Variants in CCSER1 observed in about 807,000 individuals in gnomAD.
The protein encoded by CCSER1 is serine-rich coiled-coil domain-containing protein 1.
In CCSER1, 41 loss-of-function variants were observed where a neutral mutation model predicts 82.0. That is an observed-to-expected ratio of 0.50 (90% CI 0.39 to 0.65). The LOEUF (loss-of-function observed/expected upper bound fraction) is 0.65, where lower values mean the gene tolerates loss of function less well. CCSER1 is among the 30% of genes least tolerant of loss of function. The pLI is 0.00. For missense variants in CCSER1, 1,119 were observed against 1,064.2 expected, an observed-to-expected ratio of 1.05 and a Z score of -0.72; for synonymous variants, 414 against 383.9, an observed-to-expected ratio of 1.08 and a Z score of -0.92.
chr4:90,384,083 C>T (rs1052703216), intron 3 of CCSER1, among the ~76,000 whole-genome samples: 1 of 151,452 alleles, frequency 6.6e-6, no homozygotes, highest in African/African-American at 2.4e-5. Flanking sequence ...TTTTCGAACC[C>T]TCGTTTTTTT....
chr4:90,745,745 G>A (rs1580267750), intron 7 of CCSER1, among the ~76,000 whole-genome samples: 2 of 142,662 alleles, frequency 1.4e-5, no homozygotes, highest in Admixed American at 7.3e-5. Context: ...GCTGGAGTGC[G>A]GTGGCGTGAT....
intron 8 of CCSER1, among the ~76,000 whole-genome samples, chr4:90,868,185 T>C (rs1467434442): frequency 6.6e-6 from 1 of 152,128 alleles, no homozygotes; most frequent in African/African-American, 2.4e-5. Context: ...GTTTATCTTT[T>C]GTGTTGCAAA....
At position 90,628,005 on chromosome 4, in the gene CCSER1, C is replaced by CT. The variant is rs11303496; in HGVS notation, c.1725-9dup. ...AGCATGCTGCACTGTAATTTTTGTTCTTTTTTTTTTTCTTGTTAGGAATCT... is the reference window on the plus strand; with the variant it reads ...AGCATGCTGCACTGTAATTTTTGTTCTTTTTTTTTTTTCTTGTTAGGAATCT... On this transcript the variant is annotated intron_variant, in intron 5 of 10. Transcript: ENST00000509176. 0.021 allele frequency: 28,364 copies of CT among 1,342,466 alleles called. 78 individuals are homozygous for CT. Among genetic ancestry groups the CT allele is most frequent in the African/African-American group, 0.048 (3,374 of 70,530 alleles). The allele number at this position is 1,342,466 out of a possible 1,614,324, so 83.2% of individuals were successfully genotyped here. A position where few individuals can be genotyped will look rare whatever the true frequency, so the allele number is the denominator to read the frequency against.
intron 3 of CCSER1, among the ~76,000 whole-genome samples, chr4:90,398,902 T>C (rs965940267): frequency 4.6e-5 from 7 of 152,138 alleles, no homozygotes; most frequent in African/African-American, 1.7e-4. Context: ...AAAGCCCCAG[T>C]GTCCTTACTT....
intron 4 of CCSER1, among the ~76,000 whole-genome samples, chr4:90,463,800 G>A (rs1236231644): frequency 2.0e-5 from 3 of 151,758 alleles, no homozygotes; most frequent in Admixed American, 2.0e-4. Context: ...ACTACTCTAG[G>A]CACCTTCAGT....
chr4:90,323,671 T>A lies in CCSER1; in HGVS notation c.1509+10624T>A, dbSNP rs575201597. On this transcript the variant is annotated intron_variant, in intron 3 of 10. Transcript: ENST00000509176. Reference sequence around the variant, plus strand: ...TGTCTTTCCTATCCTCTTTTTTTTTTAAATTTTATTATTATACTTTAAGTT... The same window carrying A: ...TGTCTTTCCTATCCTCTTTTTTTTTAAAATTTTATTATTATACTTTAAGTT... 3.9e-4 allele frequency among the ~76,000 whole-genome samples: 59 copies of A among 152,220 alleles called. 1 individual carries two copies. Among genetic ancestry groups the A allele is most frequent in the South Asian group, 8.3e-4 (4 of 4,818 alleles).
chr4:91,360,182 T>C (rs1410609511), intron 10 of CCSER1, among the ~76,000 whole-genome samples: 1 of 151,826 alleles, frequency 6.6e-6, no homozygotes, highest in Non-Finnish European at 1.5e-5. Flanking sequence ...TCTGCTATGC[T>C]ATAAAATTGA....
At chr4:91,298,241 G>C (rs888437242) in intron 10 of CCSER1, among the ~76,000 whole-genome samples, 6 of 151,988 alleles carry the variant, frequency 3.9e-5, no homozygotes, top group Non-Finnish European at 8.8e-5. Flanking sequence ...CAAAATTGTT[G>C]GAAGTGCTGC....
intron 9 of CCSER1, among the ~76,000 whole-genome samples, chr4:90,933,671 T>C (rs531348416): frequency 1.6e-5 from 2 of 129,026 alleles, no homozygotes; most frequent in South Asian, 4.4e-4. Context: ...GAGTGTATTA[T>C]TTTCTATACT....
chr4:90,656,414 T>C (rs1210207397), intron 6 of CCSER1, among the ~76,000 whole-genome samples: 2 of 151,846 alleles, frequency 1.3e-5, no homozygotes, highest in Non-Finnish European at 2.9e-5. Context: ...ATTTTTTATT[T>C]TTAATAAATA....
At chr4:91,350,962 A>C (rs1318625435) in intron 10 of CCSER1, among the ~76,000 whole-genome samples, 1 of 151,996 alleles carries the variant, frequency 6.6e-6, no homozygotes, top group Admixed American at 6.6e-5. Flanking sequence ...TTTATTTATG[A>C]AATTAAAAGT....
intron 8 of CCSER1, among the ~76,000 whole-genome samples, chr4:90,862,619 T>G (rs1022573847): frequency 1.3e-5 from 2 of 151,878 alleles, no homozygotes; most frequent in African/African-American, 4.8e-5. Context: ...TTCACATTAG[T>G]CCAGCAATTC....
chr4:91,190,640 A>C (rs2149047702), intron 10 of CCSER1, among the ~76,000 whole-genome samples: 1 of 152,338 alleles, frequency 6.6e-6, no homozygotes, highest in East Asian at 1.9e-4. Context: ...CCTCTCTGAG[A>C]CTGTATGCAT....
chr4:91,214,241 C>T (rs976810403), intron 10 of CCSER1, among the ~76,000 whole-genome samples: 6 of 152,016 alleles, frequency 3.9e-5, no homozygotes, highest in African/African-American at 1.5e-4. Context: ...ATCTCCAGTT[C>T]GATAATCTTT....
intron 4 of CCSER1, among the ~76,000 whole-genome samples, chr4:90,430,522 T>C (rs544854916): frequency 6.6e-6 from 1 of 152,012 alleles, no homozygotes; most frequent in African/African-American, 2.4e-5. Context: ...CATAGCGAAT[T>C]CTAATTTTAT....
intron 3 of CCSER1, among the ~76,000 whole-genome samples, chr4:90,327,914 A>C (rs914911901): frequency 3.9e-5 from 6 of 152,108 alleles, no homozygotes. Context: ...AACAGTGTTG[A>C]GGACTCTGCG....
At chr4:90,402,687 T>G (rs991724485) in intron 4 of CCSER1, among the ~76,000 whole-genome samples, 6 of 152,226 alleles carry the variant, frequency 3.9e-5, no homozygotes, top group African/African-American at 1.2e-4. Context: ...CAATTATGTT[T>G]GGTAGTCAAC....
At chr4:91,397,381 T>G (rs564493859) in intron 10 of CCSER1, among the ~76,000 whole-genome samples, 2 of 152,130 alleles carry the variant, frequency 1.3e-5, no homozygotes, top group Non-Finnish European at 2.9e-5. Context: ...ATAGCCTTTA[T>G]GCTGGACCTT....
chr4:90,916,361 A>T (rs916853498), intron 8 of CCSER1, among the ~76,000 whole-genome samples: 1 of 152,116 alleles, frequency 6.6e-6, no homozygotes, highest in African/African-American at 2.4e-5. Flanking sequence ...ATAATGCCAC[A>T]TATCTACAAC....
Sources: allele counts gnomAD v4.1 joint callset (sites outside exome capture counted in the v4.1 genomes callset), GRCh38; gene constraint gnomAD v4.1.1; transcripts MANE v1.5; gene names NCBI Gene and HGNC (gene_info 2026-07-23, HGNC 2026-07-21).